The following GMDS variants were observed in gnomAD, a reference collection of about 807,000 sequenced individuals.
GMDS encodes GDP-mannose 4,6 dehydratase.
Under a neutral mutation model 49.9 loss-of-function variants are expected in GMDS, and 20 were observed. That is an observed-to-expected ratio of 0.40 (90% CI 0.28 to 0.58). The LOEUF (loss-of-function observed/expected upper bound fraction) is 0.58. GMDS is among the 20% of genes least tolerant of loss of function. The probability of loss-of-function intolerance (pLI) is 0.42; values close to 1 mark genes in which losing one functional copy is unlikely to be tolerated. For missense variants in GMDS, 362 were observed against 481.4 expected, an observed-to-expected ratio of 0.75 and a Z score of 2.32; for synonymous variants, 177 against 178.6, an observed-to-expected ratio of 0.99 and a Z score of 0.07.
At chr6:2,057,900 TTTAA>T (rs1304592330) in intron 4 of GMDS, among the ~76,000 whole-genome samples, 1 of 152,240 alleles carries the variant, frequency 6.6e-6, no homozygotes, top group African/African-American at 2.4e-5. Context: ...TTCATTTGGC[TTTAA>T]TTAATTAAAA....
intron 7 of GMDS, among the ~76,000 whole-genome samples, chr6:1,823,673 T>C (rs1242938205): frequency 6.6e-6 from 1 of 152,178 alleles, no homozygotes; most frequent in Non-Finnish European, 1.5e-5. Flanking sequence ...TGTTTTCCAG[T>C]AAATTTACCC....
rs1770441952 is a variant in GMDS at position 1,811,788 on chromosome 6, C to A, written c.772-69202G>T. Among the ~76,000 whole-genome samples, 4 of 152,296 alleles carry A rather than the reference C, an allele frequency of 2.6e-5. No individual in the cohort carries two copies. In the South Asian group the frequency reaches 8.3e-4, roughly 32 times the overall value. ...TTTTCTATTCCTATTTTGCTATCTGCAATTCTTTGAGTAAGTTTGATGGTC... is the reference window on the plus strand; with the variant it reads ...TTTTCTATTCCTATTTTGCTATCTGAAATTCTTTGAGTAAGTTTGATGGTC... On this transcript the variant is annotated intron_variant, in intron 7 of 10. Transcript: ENST00000380815.
In GMDS at chr6:2,176,117, T is replaced by C. The variant is rs902413655; in HGVS notation, c.103-51386A>G. 2.3e-5 allele frequency: 16 copies of C among 698,386 alleles called. No individual in the cohort carries two copies. The Admixed American group carries it at 2.7e-4, about 12-fold the overall frequency. 43.3% of individuals were successfully genotyped at this position (698,386 alleles called of 1,614,324 possible). On this transcript the variant is annotated intron_variant, in intron 1 of 10. Coordinates refer to ENST00000380815, the MANE Select transcript of GMDS (RefSeq NM_001500.4). ...TAATTCTGGTGTCCAGCCCCCCTTC[T>C]ACAACCAGGGATGACTGCCTCCCCA...
chr6:2,108,997 G>A (rs1475827883), intron 4 of GMDS, among the ~76,000 whole-genome samples: 1 of 152,138 alleles, frequency 6.6e-6, no homozygotes, highest in Non-Finnish European at 1.5e-5. Context: ...TTGGTGGCAG[G>A]AAATACAGTT....
intron 9 of GMDS, among the ~76,000 whole-genome samples, chr6:1,678,634 C>T (rs1448125095): frequency 1.3e-5 from 2 of 151,634 alleles, no homozygotes; most frequent in African/African-American, 2.4e-5. Flanking sequence ...AAAGGTAACA[C>T]GTAAAGCAGG....
chr6:2,014,372 A>T (rs1767767433), intron 4 of GMDS, among the ~76,000 whole-genome samples: 1 of 152,074 alleles, frequency 6.6e-6, no homozygotes, highest in Non-Finnish European at 1.5e-5. Flanking sequence ...ACGAAACAAC[A>T]TATGGGTGAT....
At chr6:1,773,629 G>A (rs943474522) in intron 7 of GMDS, among the ~76,000 whole-genome samples, 6 of 152,252 alleles carry the variant, frequency 3.9e-5, no homozygotes, top group African/African-American at 1.4e-4. Flanking sequence ...GTGCTGAGCA[G>A]CATCGATGGC....
intron 7 of GMDS, among the ~76,000 whole-genome samples, chr6:1,812,191 G>A (rs955260628): frequency 1.1e-4 from 17 of 152,150 alleles, no homozygotes; most frequent in South Asian, 2.1e-4. Flanking sequence ...CTTATAGAAC[G>A]AGGAGGAGCT....
intron 7 of GMDS, among the ~76,000 whole-genome samples, chr6:1,762,634 T>G (rs1031322406): frequency 6.6e-6 from 1 of 152,224 alleles, no homozygotes; most frequent in Non-Finnish European, 1.5e-5. Flanking sequence ...AAGAGCACTT[T>G]GAGGTGGTGT....
chr6:1,884,931 T>C (rs546104370), intron 7 of GMDS, among the ~76,000 whole-genome samples: 6 of 152,222 alleles, frequency 3.9e-5, no homozygotes, highest in Admixed American at 6.5e-5. Context: ...CATTTATCTA[T>C]ACGCTCCCTA....
intron 1 of GMDS, among the ~76,000 whole-genome samples, chr6:2,226,063 G>A (rs994273665): frequency 6.6e-6 from 1 of 152,090 alleles, no homozygotes; most frequent in African/African-American, 2.4e-5. Context: ...AGAAAGAAAT[G>A]AAATAGAGGC....
chr6:2,006,434 A>T (rs1349859830), intron 4 of GMDS, among the ~76,000 whole-genome samples: 3 of 152,086 alleles, frequency 2.0e-5, no homozygotes, highest in African/African-American at 7.2e-5. Context: ...TCTCCAGAAA[A>T]GGAAAAAGAA....
At chr6:2,010,971 A>G (rs1767523084) in intron 4 of GMDS, among the ~76,000 whole-genome samples, 1 of 152,188 alleles carries the variant, frequency 6.6e-6, no homozygotes, top group Admixed American at 6.5e-5. Context: ...TAGAGAAATT[A>G]TTTTTTAAAA....
At chr6:2,062,859 T>C (rs922993404) in intron 4 of GMDS, among the ~76,000 whole-genome samples, 2 of 152,232 alleles carry the variant, frequency 1.3e-5, no homozygotes, top group African/African-American at 4.8e-5. Context: ...TTAATTAATG[T>C]TTCTGAGCCT....
intron 8 of GMDS, among the ~76,000 whole-genome samples, chr6:1,729,731 G>A (rs1344035392): frequency 6.6e-6 from 1 of 152,228 alleles, no homozygotes; most frequent in Non-Finnish European, 1.5e-5. Flanking sequence ...ATTAACAAGA[G>A]TTACTACCCA....
intron 1 of GMDS, among the ~76,000 whole-genome samples, chr6:2,211,800 T>C (rs1015434349): frequency 1.4e-4 from 21 of 152,232 alleles, no homozygotes; most frequent in Admixed American, 1.3e-4. Context: ...CCATGAAATA[T>C]TTATTCAATT....
intron 1 of GMDS, among the ~76,000 whole-genome samples, chr6:2,186,922 C>T (rs1017982471): frequency 3.3e-5 from 5 of 152,012 alleles, no homozygotes; most frequent in Admixed American, 2.6e-4. Context: ...TTTATACTTT[C>T]GATAAAAAGT....
rs187336771 is a variant in GMDS, at chr6:1,655,660, C to A, written c.988-31120G>T. On this transcript the variant is annotated intron_variant, in intron 9 of 10. Transcript: ENST00000380815. ...CTGGGATTACAGGCGCCAGCCACCACGCCTTGCTAATCTTTTGTACTTTCA... is the reference window on the plus strand; with the variant it reads ...CTGGGATTACAGGCGCCAGCCACCAAGCCTTGCTAATCTTTTGTACTTTCA... Among the ~76,000 whole-genome samples, 3 of 152,150 alleles carry A rather than the reference C, an allele frequency of 2.0e-5. No individual in the cohort carries two copies. The South Asian group carries it at 6.2e-4, about 31-fold the overall frequency.
At chr6:1,693,548 C>T (rs894706350) in intron 9 of GMDS, among the ~76,000 whole-genome samples, 2 of 152,200 alleles carry the variant, frequency 1.3e-5, no homozygotes, top group South Asian at 2.1e-4. Flanking sequence ...GCCTGACATC[C>T]AGTGTGTACT....
Sources: allele counts gnomAD v4.1 joint callset (sites outside exome capture counted in the v4.1 genomes callset), GRCh38; gene constraint gnomAD v4.1.1; transcripts MANE v1.5; gene names NCBI Gene and HGNC (gene_info 2026-07-23, HGNC 2026-07-21).